YWHAZ: variants seen among roughly 807,000 people sequenced by gnomAD.
YWHAZ encodes the protein tyrosine 3-monooxygenase/tryptophan 5-monooxygenase activation protein zeta.
For synonymous variants in YWHAZ, 87 were observed against 103.6 expected, an observed-to-expected ratio of 0.84 and a Z score of 0.97; for missense variants, 79 against 284.8, an observed-to-expected ratio of 0.28 and a Z score of 5.20.
chr8:100,917,110 T>C lies in YWHAZ; in HGVS notation c.*3583A>G, dbSNP rs1812739643. 1 of 152,222 alleles carries C rather than the reference T, an allele frequency of 6.6e-6. No homozygotes were observed. Among genetic ancestry groups the C allele is most frequent in the African/African-American group, 2.4e-5 (1 of 41,462 alleles). The allele number at this position is 152,222 out of a possible 1,614,324, so 9.4% of individuals were successfully genotyped here. ...TTCAAAGTCAAAGTTTCACTCTCCA[T>C]TTGAAGCCTGACTACAAATAACCTA... On this transcript the variant is annotated 3_prime_UTR_variant, in exon 6 of 6. Transcript: ENST00000395958.
intron 5 of YWHAZ, among the ~76,000 whole-genome samples, chr8:100,921,078 G>C (rs1383942526): frequency 1.3e-5 from 2 of 152,094 alleles, no homozygotes; most frequent in East Asian, 1.9e-4. Context: ...TCTGTCACCA[G>C]GCTGGAGTGC....
At chr8:100,951,284 G>A (rs959925934) in intron 1 of YWHAZ, 1 of 984,760 alleles carries the variant, frequency 1.0e-6, no homozygotes, top group African/African-American at 1.7e-5. Context: ...CTCTCGGCCA[G>A]GCCTTTCCCT....
chr8:100,944,908 G>A (rs1810151387), intron 2 of YWHAZ, among the ~76,000 whole-genome samples: 1 of 152,138 alleles, frequency 6.6e-6, no homozygotes, highest in Non-Finnish European at 1.5e-5. Flanking sequence ...TCAGTATCTT[G>A]AGCTCCATTA....
chr8:100,930,647 T>G (rs1000115841), intron 2 of YWHAZ, among the ~76,000 whole-genome samples: 1 of 152,210 alleles, frequency 6.6e-6, no homozygotes, highest in Non-Finnish European at 1.5e-5. Context: ...AAGTTTTACT[T>G]TTTTCCCTCC....
In YWHAZ at chr8:100,928,981, T is replaced by C. The variant is rs142182859; in HGVS notation, c.295-3942A>G. Among the ~76,000 whole-genome samples, 1,225 of 152,280 alleles carry C rather than the reference T, an allele frequency of 8.0e-3. 21 individuals carry two copies. Among genetic ancestry groups the C allele is most frequent in the African/African-American group, 0.028 (1,164 of 41,562 alleles). ...CCAGTACTGGAACCTGCTCAGTGAA[T>C]TCCCTCTTTTCACATAAAGGTAAAA... On this transcript the variant is annotated intron_variant, in intron 2 of 5. Transcript: ENST00000395958.
rs745454813 is a variant in YWHAZ, at chr8:100,924,101, T to C, written c.582+34A>G. The C allele has an allele frequency of 6.2e-7, 1 of 1,608,224 alleles. No individual in the cohort carries two copies. Among genetic ancestry groups the C allele is most frequent in the Non-Finnish European group, 8.5e-7 (1 of 1,177,908 alleles). ...ATTTCAGTGCTCAAATAATAAAGAC[T>C]GCTAAATTTCTACGTAACAGGTAAA... On this transcript the variant is annotated intron_variant, in intron 4 of 5. Coordinates refer to ENST00000395958, the MANE Select transcript of YWHAZ (RefSeq NM_145690.3). The surrounding 1 kb of genome is among the most constrained non-coding windows in gnomAD (Gnocchi z 5.7).
intron 1 of YWHAZ, chr8:100,951,227 C>G: frequency 3.0e-6 from 3 of 985,022 alleles, no homozygotes; most frequent in Non-Finnish European, 3.6e-6. Flanking sequence ...AGCCTCGCCC[C>G]GGTCTACCTG....
intron 2 of YWHAZ, chr8:100,932,114 T>C (rs1813804373): frequency 6.6e-6 from 1 of 152,178 alleles, no homozygotes; most frequent in Non-Finnish European, 1.5e-5. Context: ...CAAATATTAG[T>C]AGTAGACATA....
chr8:100,946,392 G>C (rs1377531083), intron 2 of YWHAZ, among the ~76,000 whole-genome samples: 1 of 152,078 alleles, frequency 6.6e-6, no homozygotes, highest in African/African-American at 2.4e-5. Flanking sequence ...TTTACTAAAA[G>C]TACAAAAATT....
chr8:100,951,621 AG>A, intron 1 of YWHAZ: 1 of 985,028 alleles, frequency 1.0e-6, no homozygotes, highest in Non-Finnish European at 1.2e-6. Flanking sequence ...AGCCGGCGAC[AG>A]GGAGATCCCC....
At chr8:100,938,890 T>C (rs1814401602) in intron 2 of YWHAZ, among the ~76,000 whole-genome samples, 1 of 152,240 alleles carries the variant, frequency 6.6e-6, no homozygotes, top group African/African-American at 2.4e-5. Flanking sequence ...TTTAGACATT[T>C]TGACTTTAAA....
At chr8:100,944,084 T>C (rs1336963336) in intron 2 of YWHAZ, among the ~76,000 whole-genome samples, 1 of 151,806 alleles carries the variant, frequency 6.6e-6, no homozygotes, top group Non-Finnish European at 1.5e-5. Flanking sequence ...CTTTGAAACA[T>C]ACCAAAACCA....
chr8:100,940,913 A>G (rs1809801493), intron 2 of YWHAZ, among the ~76,000 whole-genome samples: 1 of 152,242 alleles, frequency 6.6e-6, no homozygotes, highest in Admixed American at 6.5e-5. Flanking sequence ...ATTTTTAGAA[A>G]TGTTACACAG....
At chr8:100,933,479 T>C (rs1386162828) in intron 2 of YWHAZ, among the ~76,000 whole-genome samples, 1 of 152,190 alleles carries the variant, frequency 6.6e-6, no homozygotes, top group Non-Finnish European at 1.5e-5. Flanking sequence ...CTCTGCTATG[T>C]TGTACACCTT....
chr8:100,952,280 C>T (rs1183678140), upstream of YWHAZ: 2 of 431,298 alleles, frequency 4.6e-6, no homozygotes, highest in Non-Finnish European at 6.2e-6. Flanking sequence ...GCTCGGCTTC[C>T]AGCTCCTCTA....
intron 2 of YWHAZ, among the ~76,000 whole-genome samples, chr8:100,945,908 C>T (rs1278012389): frequency 6.6e-6 from 1 of 151,998 alleles, no homozygotes. Context: ...GCATCTATTA[C>T]ACGTTGAGTA....
At chr8:100,951,076 A>T in intron 1 of YWHAZ, 1 of 809,620 alleles carries the variant, frequency 1.2e-6, no homozygotes, top group Non-Finnish European at 1.5e-6. Context: ...GAGCAAAAAA[A>T]GTCAGACCCA....
chr8:100,946,238 T>C (rs1810254723), intron 2 of YWHAZ, among the ~76,000 whole-genome samples: 1 of 152,182 alleles, frequency 6.6e-6, no homozygotes, highest in African/African-American at 2.4e-5. Flanking sequence ...GGAAGCATAG[T>C]CAAAACTGCT....
rs1183464514 is a variant in YWHAZ, at chr8:100,919,966, T to C, written c.*727A>G. The C allele has an allele frequency of 6.6e-6, 1 of 152,586 alleles. No individual in the cohort carries two copies. Among genetic ancestry groups the C allele is most frequent in the Non-Finnish European group, 1.5e-5 (1 of 68,036 alleles). The allele number at this position is 152,586 out of a possible 1,614,324, so 9.5% of individuals were successfully genotyped here. A position where few individuals can be genotyped will look rare whatever the true frequency, so the allele number is the denominator to read the frequency against. On this transcript the variant is annotated 3_prime_UTR_variant, in exon 6 of 6. Transcript: ENST00000395958. ...TGCTTGATATACATGAAGTAATGAA[T>C]ACCAAGCAATTCATTTTTCCTGCAT... is the stretch of plus-strand genomic sequence containing the variant.
Sources: gnomAD v4.1 joint callset for allele counts (sites outside exome capture counted in the v4.1 genomes callset) on GRCh38, gnomAD v4.1.1 for gene constraint, Gnocchi (gnomAD v3.1) non-coding constraint, MANE v1.5 for transcripts, NCBI Gene and HGNC (gene_info 2026-07-23, HGNC 2026-07-21) for gene names.